PDE4B: variants seen among roughly 807,000 people sequenced by gnomAD.
The protein encoded by PDE4B is phosphodiesterase 4B.
PDE4B carries 20 observed loss-of-function variants against 82.2 expected under a neutral mutation model. The ratio of observed to expected loss-of-function variants is 0.24; its 90% CI spans 0.17 to 0.35. The LOEUF is 0.35. Among genes scored for constraint, PDE4B ranks in the 10% least tolerant of loss-of-function variants. PDE4B has a pLI of 1.00. For synonymous variants in PDE4B, 320 were observed against 318.9 expected (o/e 1.00, Z -0.04); for missense variants, 655 against 907.2 (o/e 0.72, Z 3.57).
intron 3 of PDE4B, among the ~76,000 whole-genome samples, chr1:65,927,957 T>C (rs1647600317): frequency 6.6e-6 from 1 of 152,146 alleles, no homozygotes; most frequent in Non-Finnish European, 1.5e-5. Flanking sequence ...CTCCATTAAT[T>C]ACCTGACCTC....
intron 3 of PDE4B, among the ~76,000 whole-genome samples, chr1:65,992,246 A>T (rs1651282671): frequency 6.6e-6 from 1 of 152,176 alleles, no homozygotes; most frequent in Non-Finnish European, 1.5e-5. Context: ...TTTTACTGTG[A>T]TGAAGACAGT....
At chr1:66,239,850 C>T (rs1384243577) in intron 3 of PDE4B, among the ~76,000 whole-genome samples, 1 of 151,920 alleles carries the variant, frequency 6.6e-6, no homozygotes, top group Non-Finnish European at 1.5e-5. Flanking sequence ...ATGTTTACAA[C>T]CCAAAAAAAG....
intron 3 of PDE4B, among the ~76,000 whole-genome samples, chr1:66,107,618 A>C (rs1001074220): frequency 1.2e-4 from 19 of 152,046 alleles, no homozygotes; most frequent in African/African-American, 4.6e-4. Context: ...TGCAGAAATA[A>C]CATATTGTTA....
chr1:65,950,131 T>A (rs1648919223), intron 3 of PDE4B, among the ~76,000 whole-genome samples: 2 of 152,086 alleles, frequency 1.3e-5, no homozygotes, highest in Admixed American at 1.3e-4. Context: ...CTTGAACCTG[T>A]CATTTTCTCT....
chr1:65,976,815 C>T (rs538092800), intron 3 of PDE4B, among the ~76,000 whole-genome samples: 134 of 152,128 alleles, frequency 8.8e-4, no homozygotes, highest in Non-Finnish European at 1.3e-3. Flanking sequence ...CTGAGGCTTC[C>T]TAGCAATGCT....
intron 3 of PDE4B, among the ~76,000 whole-genome samples, chr1:65,953,483 A>G (rs1275692150): frequency 2.0e-5 from 3 of 152,090 alleles, no homozygotes; most frequent in African/African-American, 7.2e-5. Context: ...AAGGAGATGT[A>G]ACAAAGGAAG....
chr1:65,945,487 C>G (rs1267504420), intron 3 of PDE4B, among the ~76,000 whole-genome samples: 1 of 151,940 alleles, frequency 6.6e-6, no homozygotes, highest in African/African-American at 2.4e-5. Flanking sequence ...GTAAACATAA[C>G]CTTTCCCTGG....
intron 9 of PDE4B, chr1:66,360,320 T>A: frequency 6.6e-6 from 1 of 151,246 alleles, no homozygotes; most frequent in African/African-American, 2.5e-5. Context: ...AGGTGAGGTA[T>A]ACCACGAAGC....
At chr1:65,992,734 T>C (rs958734647) in intron 3 of PDE4B, 4 of 1,353,810 alleles carry the variant, frequency 3.0e-6, no homozygotes, top group Non-Finnish European at 3.8e-6. Flanking sequence ...CCTGACTTGC[T>C]ATTCTTCGAG....
chr1:66,297,577 C>A (rs11208829), intron 7 of PDE4B, among the ~76,000 whole-genome samples: 5,999 of 152,154 alleles, frequency 0.039, 286 homozygotes, highest in East Asian at 0.25. Context: ...CTTGCTTTTA[C>A]TTTCTCATGC....
intron 3 of PDE4B, among the ~76,000 whole-genome samples, chr1:66,120,410 T>G (rs1364529860): frequency 6.6e-6 from 1 of 152,140 alleles, no homozygotes; most frequent in Non-Finnish European, 1.5e-5. Context: ...TGTCAAGAAT[T>G]AGAGGAAAGA....
In PDE4B at chr1:66,357,373, A is replaced by G. The variant is rs1456706541; in HGVS notation, c.841+1753A>G. ...CATAGTCTACCAAGAAAGAAAGCTG[A>G]TAAGATAATAAAGATGATTCATTCC... On this transcript the variant is annotated intron_variant, in intron 9 of 16. Coordinates refer to ENST00000341517, the MANE Select transcript of PDE4B (RefSeq NM_002600.4). Among the ~76,000 whole-genome samples, 3 of 152,182 alleles carry G rather than the reference A, an allele frequency of 2.0e-5. No individual in the cohort carries two copies. The East Asian group carries it at 5.8e-4, about 29-fold the overall frequency.
intron 3 of PDE4B, among the ~76,000 whole-genome samples, chr1:66,090,494 GA>G (rs1386893902): frequency 6.6e-6 from 1 of 151,194 alleles, no homozygotes; most frequent in African/African-American, 2.4e-5. Flanking sequence ...TCAGCAGCTT[GA>G]CCAATTTTGG....
intron 1 of PDE4B, among the ~76,000 whole-genome samples, chr1:65,868,658 C>T (rs1051093060): frequency 2.0e-5 from 3 of 152,156 alleles, no homozygotes; most frequent in African/African-American, 7.2e-5. Flanking sequence ...CAGGGGGCCC[C>T]CAACCCCCAG....
In PDE4B at chr1:65,926,191, C is replaced by T. The variant is rs1312277565; in HGVS notation, c.281+7356C>T. ...AAGCAACTTTGACGTCCATTATGCA[C>T]CTTTGGTGAGAAAAGTCCCCTTACA... On this transcript the variant is annotated intron_variant, in intron 3 of 16. Coordinates refer to ENST00000341517, the MANE Select transcript of PDE4B (RefSeq NM_002600.4). 2.0e-5 allele frequency among the ~76,000 whole-genome samples: 3 copies of T among 152,100 alleles called. No individual in the cohort carries two copies. In the East Asian group the frequency reaches 5.8e-4, roughly 29 times the overall value.
At chr1:66,014,376 C>T (rs943639495) in intron 3 of PDE4B, among the ~76,000 whole-genome samples, 1 of 152,078 alleles carries the variant, frequency 6.6e-6, no homozygotes, top group Non-Finnish European at 1.5e-5. Flanking sequence ...AATCTAGTGT[C>T]ATGAACCTTT....
intron 4 of PDE4B, among the ~76,000 whole-genome samples, chr1:66,255,981 T>C (rs895466783): frequency 1.3e-5 from 2 of 152,146 alleles, no homozygotes; most frequent in African/African-American, 4.8e-5. Flanking sequence ...CTGGGCAACA[T>C]GGCAAAACTC....
At chr1:66,142,310 A>G (rs1646188964) in intron 3 of PDE4B, among the ~76,000 whole-genome samples, 1 of 152,162 alleles carries the variant, frequency 6.6e-6, no homozygotes, top group African/African-American at 2.4e-5. Flanking sequence ...AACCTCTAAG[A>G]AAGTCAACAG....
At chr1:65,939,043 A>G (rs11208772) in intron 3 of PDE4B, among the ~76,000 whole-genome samples, 16,792 of 152,134 alleles carry the variant, frequency 0.11, 1,091 homozygotes, top group Middle Eastern at 0.2. Context: ...AGCAGTGAGA[A>G]TGGTTAGAGG....
Sources: gnomAD v4.1 joint callset for allele counts (sites outside exome capture counted in the v4.1 genomes callset) on GRCh38, gnomAD v4.1.1 for gene constraint, MANE v1.5 for transcripts, NCBI Gene and HGNC (gene_info 2026-07-23, HGNC 2026-07-21) for gene names.